The following IFT80 variants were observed in gnomAD, a reference collection of about 807,000 sequenced individuals.
IFT80 encodes intraflagellar transport 80, also known as intraflagellar transport protein 80 homolog.
IFT80 carries 79 observed loss-of-function variants against 107.9 expected under a neutral mutation model. The ratio of observed to expected loss-of-function variants is 0.73; its 90% CI spans 0.61 to 0.88. The LOEUF (loss-of-function observed/expected upper bound fraction) is 0.88, where lower values mean the gene tolerates loss of function less well. Ranked by LOEUF, IFT80 falls within the 40% of genes least tolerant of loss-of-function variation. The pLI is 0.00. For missense variants in IFT80, 797 were observed against 914.2 expected (o/e 0.87, Z 1.65); for synonymous variants, 299 against 300.9 (o/e 0.99, Z 0.07).
At chr3:160,388,495 G>A (rs1405967364) in intron 1 of IFT80, among the ~76,000 whole-genome samples, 1 of 150,804 alleles carries the variant, frequency 6.6e-6, no homozygotes, top group East Asian at 1.9e-4. Flanking sequence ...CATCATGACC[G>A]TGGTAGGCAA....
intron 1 of IFT80, among the ~76,000 whole-genome samples, chr3:160,390,443 A>C (rs952395382): frequency 6.6e-6 from 1 of 151,256 alleles, no homozygotes; most frequent in Non-Finnish European, 1.5e-5. Context: ...AAAAGAAAAG[A>C]AAAGCAGTTT....
At chr3:160,389,702 T>C (rs1001454210) in intron 1 of IFT80, among the ~76,000 whole-genome samples, 1 of 152,062 alleles carries the variant, frequency 6.6e-6, no homozygotes. Flanking sequence ...GGTGTATATG[T>C]GCCACATTTT....
At chr3:160,327,812 T>C (rs1174225700) in intron 8 of IFT80, among the ~76,000 whole-genome samples, 1 of 152,018 alleles carries the variant, frequency 6.6e-6, no homozygotes, top group East Asian at 1.9e-4. Flanking sequence ...CAAAAGCAAT[T>C]GCAACAAAAA....
intron 8 of IFT80, among the ~76,000 whole-genome samples, chr3:160,329,462 C>T (rs201172668): frequency 1.3e-4 from 20 of 152,142 alleles, no homozygotes; most frequent in South Asian, 1.2e-3. Context: ...TATGGCACAT[C>T]GACACAGAGA....
chr3:160,377,294 C>T, intron 4 of IFT80, 136 bp downstream of exon 4: 1 of 612,576 alleles, frequency 1.6e-6, no homozygotes. Context: ...ATTTATATAG[C>T]AGTGTAGAAC....
intron 18 of IFT80, among the ~76,000 whole-genome samples, chr3:160,276,884 T>G (rs1382140385): frequency 6.6e-6 from 1 of 152,222 alleles, no homozygotes. Flanking sequence ...CTTCAACTAC[T>G]ATCCATTTGC....
At chr3:160,312,653 AAATATAT>A (rs1438407690) in intron 9 of IFT80, among the ~76,000 whole-genome samples, 16 of 48,324 alleles carry the variant, frequency 3.3e-4, no homozygotes, top group Admixed American at 1.5e-3. Flanking sequence ...TATTATATAT[AAATATAT>A]AATATATAAT....
At chr3:160,350,438 G>A (rs2108351268) in intron 8 of IFT80, among the ~76,000 whole-genome samples, 1 of 148,846 alleles carries the variant, frequency 6.7e-6, no homozygotes, top group South Asian at 2.1e-4. Flanking sequence ...AAAAGGATAT[G>A]CAGAAAGTAT....
intron 8 of IFT80, among the ~76,000 whole-genome samples, chr3:160,333,099 C>T (rs1444340216): frequency 6.6e-6 from 1 of 152,166 alleles, no homozygotes; most frequent in Non-Finnish European, 1.5e-5. Flanking sequence ...GAAACTGTCA[C>T]ACAACGATAG....
intron 8 of IFT80, among the ~76,000 whole-genome samples, chr3:160,322,030 AT>A (rs1417807753): frequency 6.7e-6 from 1 of 148,480 alleles, no homozygotes; most frequent in African/African-American, 2.5e-5. Context: ...TTATTTATTT[AT>A]TTATTTATTT....
At chr3:160,276,034 C>CT (rs985010695) in intron 18 of IFT80, among the ~76,000 whole-genome samples, 3 of 151,822 alleles carry the variant, frequency 2.0e-5, no homozygotes, top group East Asian at 1.9e-4. Context: ...TGCCCAGCTG[C>CT]TTTTTTTGTA....
intron 8 of IFT80, among the ~76,000 whole-genome samples, chr3:160,338,645 AG>A (rs990617552): frequency 1.3e-5 from 2 of 151,074 alleles, no homozygotes; most frequent in African/African-American, 4.9e-5. Flanking sequence ...AAAAAAAAAA[AG>A]GGACCTGAAG....
In IFT80 at chr3:160,307,650, G is replaced by C. The variant is rs751058020; in HGVS notation, c.1076+13C>G. On this transcript the variant is annotated intron_variant, in intron 10 of 19. Coordinates refer to ENST00000326448, the MANE Select transcript of IFT80 (RefSeq NM_020800.3). Reference sequence around the variant, plus strand: ...ACAAAACTCTGAAATTTTAAGAAATGCAAGATGCTTACGAGAACACGTAAC... The same window carrying C: ...ACAAAACTCTGAAATTTTAAGAAATCCAAGATGCTTACGAGAACACGTAAC... The C allele has an allele frequency of 7.7e-7, 1 of 1,298,970 alleles. No individual in the cohort carries two copies. The highest frequency in any genetic ancestry group is 1.1e-6 in the Non-Finnish European group (1 of 893,704). 80.5% of individuals were successfully genotyped at this position (1,298,970 alleles called of 1,614,324 possible).
intron 8 of IFT80, among the ~76,000 whole-genome samples, chr3:160,345,175 A>C (rs1476865405): frequency 6.6e-6 from 1 of 152,200 alleles, no homozygotes; most frequent in Non-Finnish European, 1.5e-5. Flanking sequence ...CAAGATGTGG[A>C]AGCAACCTAA....
chr3:160,307,062 G>C (rs1270639167), intron 10 of IFT80, among the ~76,000 whole-genome samples: 3 of 152,170 alleles, frequency 2.0e-5, no homozygotes, highest in Non-Finnish European at 4.4e-5. Flanking sequence ...TTTCTGGATA[G>C]TTGAGGAATC....
chr3:160,372,253 T>C (rs1711584833), intron 5 of IFT80, among the ~76,000 whole-genome samples: 1 of 152,212 alleles, frequency 6.6e-6, no homozygotes, highest in African/African-American at 2.4e-5. Flanking sequence ...TTATATTATT[T>C]CATTTTTGTG....
At position 160,357,404 on chromosome 3, in the gene IFT80, TA is replaced by T. The variant is rs1417318065; in HGVS notation, c.639+84del. 3 of 761,078 alleles carry T rather than the reference TA, an allele frequency of 3.9e-6. No homozygotes were observed. The East Asian group carries it at 7.9e-5, about 20-fold the overall frequency. The allele number at this position is 761,078 out of a possible 1,614,324, so 47.1% of individuals were successfully genotyped here. On this transcript the variant is annotated intron_variant, in intron 7 of 19. Coordinates refer to ENST00000326448, the MANE Select transcript of IFT80 (RefSeq NM_020800.3). ...CTGGAGTAAAAAGACATGGCTAAAGTAAAAAACTAAAAGAATATTCTTATAT... is the reference window on the plus strand; with the variant it reads ...CTGGAGTAAAAAGACATGGCTAAAGTAAAAACTAAAAGAATATTCTTATAT...
chr3:160,362,820 C>T (rs560163312), intron 6 of IFT80, among the ~76,000 whole-genome samples: 2 of 152,282 alleles, frequency 1.3e-5, no homozygotes, highest in African/African-American at 4.8e-5. Flanking sequence ...TTCAACAGCC[C>T]TTCATGCTAA....
chr3:160,341,037 C>CT (rs998985863), intron 8 of IFT80, among the ~76,000 whole-genome samples: 4 of 149,684 alleles, frequency 2.7e-5, no homozygotes, highest in African/African-American at 9.8e-5. Flanking sequence ...GTTTTTGAGA[C>CT]AAGTTTTCAC....
Sources: allele counts gnomAD v4.1 joint callset (sites outside exome capture counted in the v4.1 genomes callset), GRCh38; gene constraint gnomAD v4.1.1; transcripts MANE v1.5; gene names NCBI Gene and HGNC (gene_info 2026-07-23, HGNC 2026-07-21).